The following COL4A6 variants were observed in gnomAD, a reference collection of about 807,000 sequenced individuals.
COL4A6 encodes collagen alpha-6(IV) chain.
Under a neutral mutation model 126.7 loss-of-function variants are expected in COL4A6, and 59 were observed. The ratio of observed to expected loss-of-function variants is 0.47; its 90% CI spans 0.38 to 0.58. COL4A6 has a LOEUF of 0.58. Ranked by LOEUF, COL4A6 falls within the 20% of genes least tolerant of loss-of-function variation. COL4A6 has a pLI of 0.00. For missense variants in COL4A6, 1,285 were observed against 1,337.3 expected, an observed-to-expected ratio of 0.96 and a Z score of 0.61; for synonymous variants, 547 against 496.6, an observed-to-expected ratio of 1.10 and a Z score of -1.35.
intron 6 of COL4A6, among the ~76,000 whole-genome samples, chrX:108,212,468 A>G (rs1477006830): frequency 9.0e-6 from 1 of 111,467 alleles, no homozygotes; most frequent in African/African-American, 3.3e-5. Flanking sequence ...GCTGGCTAAT[A>G]TCTGTTAGAG....
intron 2 of COL4A6, among the ~76,000 whole-genome samples, chrX:108,392,375 G>A (rs1446426274): frequency 4.6e-5 from 5 of 109,525 alleles, no homozygotes; most frequent in African/African-American, 1.0e-4. Flanking sequence ...GATAAGGAGC[G>A]TGTAATCTAG....
intron 2 of COL4A6, among the ~76,000 whole-genome samples, chrX:108,329,350 G>A (rs1045708965): frequency 5.4e-5 from 6 of 111,244 alleles, no homozygotes; most frequent in Non-Finnish European, 9.4e-5. Context: ...GTACAATTAT[G>A]AGTCAATTTA....
intron 2 of COL4A6, among the ~76,000 whole-genome samples, chrX:108,313,792 C>T: frequency 8.9e-6 from 1 of 111,861 alleles, no homozygotes; most frequent in East Asian, 2.8e-4. Flanking sequence ...TAGTCAGAGG[C>T]CAACAGCTCT....
chrX:108,429,087 C>T (rs746747386), intron 2 of COL4A6, among the ~76,000 whole-genome samples: 1 of 111,968 alleles, frequency 8.9e-6, no homozygotes, highest in Non-Finnish European at 1.9e-5. Context: ...ATATCCATTC[C>T]TTTTATTACT....
chrX:108,351,442 C>CTCTGTG (rs2039843137), intron 2 of COL4A6, among the ~76,000 whole-genome samples: 1 of 94,375 alleles, frequency 1.1e-5, no homozygotes, highest in African/African-American at 4.1e-5. Context: ...CTCTCTCTCT[C>CTCTGTG]TGTGTGTGTG....
chrX:108,161,425 G>T (rs2033930914), intron 42 of COL4A6, among the ~76,000 whole-genome samples, 194 bp downstream of exon 42: 1 of 111,615 alleles, frequency 9.0e-6, no homozygotes, highest in Admixed American at 9.4e-5. Flanking sequence ...AGAACGTAGG[G>T]TATCCCTTCA....
chrX:108,186,520 T>A (rs2034865370), intron 23 of COL4A6, among the ~76,000 whole-genome samples: 2 of 112,195 alleles, frequency 1.8e-5, no homozygotes, highest in African/African-American at 3.2e-5. Flanking sequence ...GAAGATTAGT[T>A]ATTAGCATAG....
rs59212608 is a variant in COL4A6, at chrX:108,403,233, GCTCTCTCTCTCTCTCTCT to G, written c.63+34691_63+34708del. ...CCACAATGTATCTATGCAAAGATTAGCTCTCTCTCTCTCTCTCTCTCTCTCTCTCTCTCTCTCTCTCTC... is the reference window on the plus strand; with the variant it reads ...CCACAATGTATCTATGCAAAGATTAGCTCTCTCTCTCTCTCTCTCTCTCTC... On this transcript the variant is annotated intron_variant, in intron 2 of 44. Transcript: ENST00000334504. Among the ~76,000 whole-genome samples, 193 of 62,344 alleles carry G rather than the reference GCTCTCTCTCTCTCTCTCT, an allele frequency of 3.1e-3. 1 individual carries two copies. The highest frequency in any genetic ancestry group is 6.3e-3 in the African/African-American group (105 of 16,648). 54.1% of individuals were successfully genotyped at this position (62,344 alleles called of 115,157 possible).
chrX:108,227,639 T>C (rs893245041), intron 3 of COL4A6, among the ~76,000 whole-genome samples: 18 of 111,453 alleles, frequency 1.6e-4, no homozygotes, highest in Admixed American at 9.5e-5. Context: ...TAGAAGAGAA[T>C]GTCTGGGTTA....
At chrX:108,319,013 C>G (rs2038954463) in intron 2 of COL4A6, among the ~76,000 whole-genome samples, 1 of 112,692 alleles carries the variant, frequency 8.9e-6, no homozygotes, top group Non-Finnish European at 1.9e-5. Context: ...GAAAACCTAA[C>G]AACATGGAGA....
rs1197147813 is a variant in COL4A6 at position 108,161,757 on chromosome X, G to A, written c.4217-22C>T. On this transcript the variant is annotated intron_variant, in intron 41 of 44. Coordinates refer to ENST00000334504, the MANE Select transcript of COL4A6 (RefSeq NM_033641.4). ...GAGCCTGCAGGAGAGAAAGCCCAAA[G>A]GAGGGTACTCAATGTAGAGGGTCCC... 10 of 1,081,151 alleles carry A rather than the reference G, an allele frequency of 9.2e-6. No homozygotes were observed. The East Asian group carries it at 2.4e-4, about 26-fold the overall frequency. The allele number at this position is 1,081,151 out of a possible 1,213,427, so 89.1% of individuals were successfully genotyped here.
chrX:108,432,872 A>T (rs1459359445), intron 2 of COL4A6, among the ~76,000 whole-genome samples: 3 of 110,705 alleles, frequency 2.7e-5, no homozygotes, highest in African/African-American at 9.8e-5. Flanking sequence ...AAACAAAATT[A>T]AAAAAAAACA....
chrX:108,296,541 G>A, intron 3 of COL4A6, among the ~76,000 whole-genome samples: 3 of 111,835 alleles, frequency 2.7e-5, no homozygotes, highest in Non-Finnish European at 5.6e-5. Flanking sequence ...CTGTTTTCTG[G>A]ATATTGGCTA....
At chrX:108,167,037 T>C (rs1602712071) in intron 37 of COL4A6, among the ~76,000 whole-genome samples, 1 of 112,065 alleles carries the variant, frequency 8.9e-6, no homozygotes, top group South Asian at 3.7e-4. Flanking sequence ...TTTCTCCCTT[T>C]ACCTGTTTCT....
chrX:108,201,454 A>T lies in COL4A6; in HGVS notation c.834+1474T>A, dbSNP rs184984472. Among the ~76,000 whole-genome samples the T allele has an allele frequency of 6.2e-5, 7 of 112,159 alleles. No homozygotes were observed. The East Asian group carries it at 2.0e-3, about 31-fold the overall frequency. The stretch of plus-strand genomic sequence containing the variant: ...ACCTATAAGACAATCAAAAATTTGA[A>T]TTCTGCCTTGTTAACTGATATTAAT... On this transcript the variant is annotated intron_variant, in intron 13 of 44. Transcript: ENST00000334504.
At chrX:108,388,324 C>T (rs976659058) in intron 2 of COL4A6, among the ~76,000 whole-genome samples, 4 of 111,697 alleles carry the variant, frequency 3.6e-5, no homozygotes, top group Non-Finnish European at 5.6e-5. Flanking sequence ...TGGTAGAATT[C>T]GGCTGTGAAT....
At chrX:108,182,810 T>C (rs1472904358) in intron 23 of COL4A6, among the ~76,000 whole-genome samples, 1 of 112,472 alleles carries the variant, frequency 8.9e-6, no homozygotes, top group Non-Finnish European at 1.9e-5. Context: ...CTTAGTAAAA[T>C]AAAAATATCC....
chrX:108,187,265 C>T lies in COL4A6; in HGVS notation c.1782G>A (p.Gln594=), dbSNP rs1403143142. 8.6e-7 allele frequency: 1 copy of T among 1,163,810 alleles called. No homozygotes were observed. The highest frequency in any genetic ancestry group is 1.2e-6 in the Non-Finnish European group (1 of 867,296). Residue 594 remains glutamine (Q), a synonymous_variant, in exon 23 of 45, where the codon CAG becomes CAA. Coordinates refer to ENST00000334504, the MANE Select transcript of COL4A6 (RefSeq NM_033641.4). ...GLPGLPGDGG[Q]GFPGEKGLPG... is the part of the protein sequence containing the mutation. ...GTAACCCCTTTTCACCTGGGAAGCC[C>T]TGTCCACCATCACCCTAGACAACAT...
chrX:108,335,584 T>C (rs1180456212), intron 2 of COL4A6, among the ~76,000 whole-genome samples: 1 of 111,773 alleles, frequency 8.9e-6, no homozygotes, highest in African/African-American at 3.2e-5. Context: ...GAAGTGTGTA[T>C]GTATATATGT....
Sources: allele counts gnomAD v4.1 joint callset (sites outside exome capture counted in the v4.1 genomes callset), GRCh38; gene constraint gnomAD v4.1.1; transcripts MANE v1.5; gene names NCBI Gene and HGNC (gene_info 2026-07-23, HGNC 2026-07-21).